SYNPR: variants seen among roughly 807,000 people sequenced by gnomAD.
The protein encoded by SYNPR is synaptoporin.
SYNPR carries 23 observed loss-of-function variants against 32.9 expected under a neutral mutation model. The observed-to-expected ratio is 0.70, with a 90% confidence interval of 0.50 to 0.99. The LOEUF (loss-of-function observed/expected upper bound fraction) is 0.99, where lower values mean the gene tolerates loss of function less well. Among genes scored for constraint, SYNPR ranks in the 50% least tolerant of loss-of-function variants. The probability of loss-of-function intolerance (pLI) is 0.00; values close to 1 mark genes in which losing one functional copy is unlikely to be tolerated. For missense variants in SYNPR, 318 were observed against 349.3 expected (o/e 0.91, Z 0.71); for synonymous variants, 146 against 135.9 (o/e 1.07, Z -0.52).
chr3:63,406,422 G>A (rs1397827341), intron 2 of SYNPR, among the ~76,000 whole-genome samples: 1 of 151,672 alleles, frequency 6.6e-6, no homozygotes, highest in Non-Finnish European at 1.5e-5. Context: ...TTTAGGGAAT[G>A]TATTATTTTT....
intron 2 of SYNPR, among the ~76,000 whole-genome samples, chr3:63,466,422 T>C (rs575097478): frequency 6.6e-6 from 1 of 151,972 alleles, no homozygotes; most frequent in African/African-American, 2.4e-5. Context: ...AATTTACTGT[T>C]GGACATAGAG....
At chr3:63,411,860 T>C (rs1374929594) in intron 2 of SYNPR, among the ~76,000 whole-genome samples, 1 of 152,078 alleles carries the variant, frequency 6.6e-6, no homozygotes, top group East Asian at 1.9e-4. Context: ...TAGGAGGCTA[T>C]TGAAGAGTTT....
At chr3:63,337,232 CAAAAAAAAAAAA>C (rs67376099) in intron 2 of SYNPR, among the ~76,000 whole-genome samples, 42 of 55,474 alleles carry the variant, frequency 7.6e-4, no homozygotes, top group African/African-American at 3.3e-3. Context: ...ACTCTGTCTC[CAAAAAAAAAAAA>C]AAAAAAAAAA....
At chr3:63,506,567 TG>T (rs1164760482) in intron 3 of SYNPR, among the ~76,000 whole-genome samples, 1 of 152,178 alleles carries the variant, frequency 6.6e-6, no homozygotes, top group Non-Finnish European at 1.5e-5. Context: ...ACGTTGAAAT[TG>T]TAAATGCTCT....
chr3:63,304,965 T>C (rs1388811918), intron 2 of SYNPR, among the ~76,000 whole-genome samples: 1 of 151,972 alleles, frequency 6.6e-6, no homozygotes. Context: ...GAAAGTTATA[T>C]TCTGTCGGAG....
intron 2 of SYNPR, among the ~76,000 whole-genome samples, chr3:63,366,658 C>T (rs1461677954): frequency 6.6e-6 from 1 of 152,104 alleles, no homozygotes; most frequent in Non-Finnish European, 1.5e-5. Flanking sequence ...ACTTGTGAGA[C>T]CCTTATTTTT....
chr3:63,287,323 C>G (rs55736831), intron 2 of SYNPR, among the ~76,000 whole-genome samples: 48,262 of 151,844 alleles, frequency 0.32, 7,985 homozygotes, highest in South Asian at 0.46. Context: ...CCAGAATGCT[C>G]CCTCTCCCTT....
intron 4 of SYNPR, among the ~76,000 whole-genome samples, chr3:63,580,125 G>C (rs940455468): frequency 1.3e-5 from 2 of 152,022 alleles, no homozygotes; most frequent in Admixed American, 6.6e-5. Context: ...AGAAATCCCT[G>C]TATTCATCAC....
At chr3:63,257,850 C>T (rs977147819) in intron 2 of SYNPR, among the ~76,000 whole-genome samples, 8 of 151,948 alleles carry the variant, frequency 5.3e-5, no homozygotes, top group Non-Finnish European at 2.9e-5. Flanking sequence ...CACACATAGG[C>T]TTAAAATAAA....
At chr3:63,371,144 GA>G (rs1205671791) in intron 2 of SYNPR, among the ~76,000 whole-genome samples, 1 of 151,988 alleles carries the variant, frequency 6.6e-6, no homozygotes, top group Non-Finnish European at 1.5e-5. Context: ...CCATACCTCG[GA>G]AAAATGATGA....
intron 2 of SYNPR, among the ~76,000 whole-genome samples, chr3:63,431,329 A>G (rs1465925297): frequency 3.9e-5 from 6 of 152,220 alleles, no homozygotes; most frequent in African/African-American, 1.4e-4. Flanking sequence ...TTCTTCCACA[A>G]TCAAGTGCGC....
intron 4 of SYNPR, among the ~76,000 whole-genome samples, chr3:63,583,905 A>G (rs1385551632): frequency 6.6e-6 from 1 of 152,064 alleles, no homozygotes; most frequent in Non-Finnish European, 1.5e-5. Context: ...CTCCTGGATT[A>G]AGGTGAGGAA....
At chr3:63,409,305 T>G (rs2088430606) in intron 2 of SYNPR, among the ~76,000 whole-genome samples, 1 of 152,142 alleles carries the variant, frequency 6.6e-6, no homozygotes, top group African/African-American at 2.4e-5. Flanking sequence ...CTTTTTACAT[T>G]TCTGCTGTAA....
chr3:63,470,908 A>G (rs915194723), intron 2 of SYNPR, among the ~76,000 whole-genome samples: 6 of 152,178 alleles, frequency 3.9e-5, no homozygotes, highest in Non-Finnish European at 7.3e-5. Context: ...ACAAACCCCT[A>G]TTTGTTTAAG....
chr3:63,493,496 G>A (rs1460061627), intron 3 of SYNPR, among the ~76,000 whole-genome samples: 1 of 151,986 alleles, frequency 6.6e-6, no homozygotes, highest in East Asian at 1.9e-4. Flanking sequence ...CTACCTGCAT[G>A]GTAACGTGTA....
chr3:63,236,466 G>T (rs769207145), intron 1 of SYNPR, among the ~76,000 whole-genome samples: 1 of 152,002 alleles, frequency 6.6e-6, no homozygotes, highest in South Asian at 2.1e-4. Flanking sequence ...AATTTGGGGA[G>T]AATTGATGTA....
chr3:63,514,033 C>T (rs773074155), intron 3 of SYNPR, among the ~76,000 whole-genome samples: 5 of 152,094 alleles, frequency 3.3e-5, no homozygotes, highest in African/African-American at 7.2e-5. Context: ...TGCTTCAAGT[C>T]AAATGTTAGA....
chr3:63,483,506 G>A (rs191512236), intron 3 of SYNPR, among the ~76,000 whole-genome samples: 105 of 152,278 alleles, frequency 6.9e-4, no homozygotes, highest in Admixed American at 2.7e-3. Flanking sequence ...TACTTTTGGG[G>A]AAGGATGTGT....
intron 2 of SYNPR, among the ~76,000 whole-genome samples, chr3:63,405,804 G>T (rs2088352258): frequency 6.6e-6 from 1 of 152,178 alleles, no homozygotes. Flanking sequence ...TTAAATAATA[G>T]AATCCACAAA....
Sources: allele counts gnomAD v4.1 joint callset (sites outside exome capture counted in the v4.1 genomes callset), GRCh38; gene constraint gnomAD v4.1.1; transcripts MANE v1.5; gene names NCBI Gene and HGNC (gene_info 2026-07-23, HGNC 2026-07-21).